The following ADGRB3 variants were observed in gnomAD, a reference collection of about 807,000 sequenced individuals.
The protein encoded by ADGRB3 is adhesion G protein-coupled receptor B3.
ADGRB3 carries 37 observed loss-of-function variants against 193.4 expected under a neutral mutation model. That is an observed-to-expected ratio of 0.19 (90% CI 0.15 to 0.25). The LOEUF (loss-of-function observed/expected upper bound fraction) is 0.25, where lower values mean the gene tolerates loss of function less well. Among genes scored for constraint, ADGRB3 ranks in the 10% least tolerant of loss-of-function variants. The probability of loss-of-function intolerance (pLI) is 1.00; values close to 1 mark genes in which losing one functional copy is unlikely to be tolerated. For missense variants in ADGRB3, 1,637 were observed against 1,852.9 expected, an observed-to-expected ratio of 0.88 and a Z score of 2.14; for synonymous variants, 690 against 644.2, an observed-to-expected ratio of 1.07 and a Z score of -1.08.
At chr6:68,664,017 T>G (rs1333823214) in intron 3 of ADGRB3, among the ~76,000 whole-genome samples, 1 of 151,802 alleles carries the variant, frequency 6.6e-6, no homozygotes. Context: ...ATTCAGAAAT[T>G]TCATTCATGG....
At chr6:69,091,870 A>C (rs955415961) in intron 17 of ADGRB3, among the ~76,000 whole-genome samples, 3 of 152,206 alleles carry the variant, frequency 2.0e-5, no homozygotes, top group Non-Finnish European at 4.4e-5. Flanking sequence ...AAATGTTTGG[A>C]GTATTTTTGA....
intron 3 of ADGRB3, among the ~76,000 whole-genome samples, chr6:68,655,662 A>G (rs965767171): frequency 2.6e-5 from 4 of 151,672 alleles, no homozygotes; most frequent in African/African-American, 9.7e-5. Flanking sequence ...AAGTTAAGAC[A>G]TGTCTATTCT....
chr6:69,184,338 GA>G (rs1478073114), intron 17 of ADGRB3, among the ~76,000 whole-genome samples: 1 of 151,990 alleles, frequency 6.6e-6, no homozygotes, highest in East Asian at 1.9e-4. Flanking sequence ...TATGACTTGA[GA>G]AAACATGCAA....
At chr6:69,263,662 T>A (rs1766974837) in intron 20 of ADGRB3, among the ~76,000 whole-genome samples, 1 of 151,934 alleles carries the variant, frequency 6.6e-6, no homozygotes, top group African/African-American at 2.4e-5. Context: ...TGTGGGAGGG[T>A]CAGTGTTTGC....
chr6:69,031,577 T>TCTTTCTTTTCTTC (rs1330200431), intron 13 of ADGRB3, among the ~76,000 whole-genome samples: 6 of 132,508 alleles, frequency 4.5e-5, no homozygotes, highest in African/African-American at 8.4e-5. Context: ...TCTTCCTCTG[T>TCTTTCTTTTCTTC]CTCTGTCTCT....
intron 3 of ADGRB3, among the ~76,000 whole-genome samples, chr6:68,868,571 T>C (rs1246136314): frequency 6.6e-6 from 1 of 152,214 alleles, no homozygotes; most frequent in African/African-American, 2.4e-5. Flanking sequence ...AACTATACAG[T>C]AGTTTCACAA....
intron 3 of ADGRB3, among the ~76,000 whole-genome samples, chr6:68,860,358 A>C (rs561028623): frequency 6.6e-6 from 1 of 152,196 alleles, no homozygotes; most frequent in Non-Finnish European, 1.5e-5. Flanking sequence ...ATTGTACCCA[A>C]TAGTTGATTT....
intron 3 of ADGRB3, among the ~76,000 whole-genome samples, chr6:68,761,580 C>T (rs78638334): frequency 0.05 from 7,603 of 151,354 alleles, 356 homozygotes; most frequent in Non-Finnish European, 0.076. Flanking sequence ...TATGCTGCTA[C>T]GTTCCAAAAT....
At position 68,975,360 on chromosome 6, in the gene ADGRB3, T is replaced by C. The variant is rs190659375; in HGVS notation, c.1734+20T>C. 4 of 1,570,426 alleles carry C rather than the reference T, an allele frequency of 2.5e-6. No homozygotes were observed. The South Asian group carries it at 4.5e-5, about 17-fold the overall frequency. Reference sequence around the variant, plus strand: ...CATTCAGTAGGTGCAAAGCCAGCTTTAGTACTTGCTCTGTTTATTTTTTGC... The same window carrying C: ...CATTCAGTAGGTGCAAAGCCAGCTTCAGTACTTGCTCTGTTTATTTTTTGC... On this transcript the variant is annotated intron_variant, in intron 10 of 31. Transcript: ENST00000370598.
chr6:68,678,317 T>C (rs1208876662), intron 3 of ADGRB3, among the ~76,000 whole-genome samples: 2 of 152,210 alleles, frequency 1.3e-5, no homozygotes, highest in Non-Finnish European at 2.9e-5. Flanking sequence ...CCTCAGTCTA[T>C]ACTGACCACA....
At chr6:68,973,082 A>G (rs1220447939) in intron 8 of ADGRB3, among the ~76,000 whole-genome samples, 4 of 152,244 alleles carry the variant, frequency 2.6e-5, no homozygotes, top group South Asian at 2.1e-4. Flanking sequence ...TAATGGGAAC[A>G]TGGAATAAAT....
intron 13 of ADGRB3, among the ~76,000 whole-genome samples, chr6:69,019,978 C>T (rs748174695): frequency 6.6e-6 from 1 of 151,962 alleles, no homozygotes; most frequent in Admixed American, 6.6e-5. Context: ...GCAATCACAG[C>T]TATGAGTTTT....
intron 5 of ADGRB3, 134 bp downstream of exon 5, chr6:68,936,814 A>G (rs1305622225): frequency 2.0e-6 from 2 of 996,522 alleles, no homozygotes; most frequent in East Asian, 5.5e-5. Flanking sequence ...TTATTATTCA[A>G]CTGTAATATT....
chr6:68,939,971 AT>A (rs1205350881), intron 5 of ADGRB3, among the ~76,000 whole-genome samples: 3 of 152,186 alleles, frequency 2.0e-5, no homozygotes, highest in Non-Finnish European at 4.4e-5. Flanking sequence ...TAGAAGTTAT[AT>A]TTATTTGTAC....
At chr6:69,158,990 C>T (rs561250302) in intron 17 of ADGRB3, among the ~76,000 whole-genome samples, 61 of 152,136 alleles carry the variant, frequency 4.0e-4, no homozygotes, top group African/African-American at 1.4e-3. Flanking sequence ...GCCCCCACCC[C>T]ACCACCTCTA....
intron 17 of ADGRB3, among the ~76,000 whole-genome samples, chr6:69,231,045 G>A (rs3799064): frequency 0.089 from 13,481 of 152,136 alleles, 1,629 homozygotes; most frequent in African/African-American, 0.27. Flanking sequence ...GTGAGTGAAG[G>A]ACTAAAACAT....
At chr6:69,263,973 A>G (rs1266348074) in intron 20 of ADGRB3, among the ~76,000 whole-genome samples, 1 of 151,992 alleles carries the variant, frequency 6.6e-6, no homozygotes, top group Non-Finnish European at 1.5e-5. Context: ...CCTTCTACTC[A>G]GTACATATCC....
At chr6:69,372,648 A>AT (rs1470879697) in intron 30 of ADGRB3, among the ~76,000 whole-genome samples, 2 of 152,036 alleles carry the variant, frequency 1.3e-5, no homozygotes, top group Non-Finnish European at 2.9e-5. Flanking sequence ...CTAAACTGAG[A>AT]TTTTCTGGAC....
chr6:68,894,187 A>G (rs1766157392), intron 3 of ADGRB3, among the ~76,000 whole-genome samples: 1 of 151,964 alleles, frequency 6.6e-6, no homozygotes, highest in African/African-American at 2.4e-5. Flanking sequence ...TGCTTGGCAC[A>G]TGGTATCTAT....
Sources: allele counts gnomAD v4.1 joint callset (sites outside exome capture counted in the v4.1 genomes callset), GRCh38; gene constraint gnomAD v4.1.1; transcripts MANE v1.5; gene names NCBI Gene and HGNC (gene_info 2026-07-23, HGNC 2026-07-21).